The following SRD5A2 variants were observed in gnomAD, a reference collection of about 807,000 sequenced individuals.
SRD5A2 encodes the protein 3-oxo-5-alpha-steroid 4-dehydrogenase 2.
SRD5A2 carries 30 observed loss-of-function variants against 27.4 expected under a neutral mutation model. The observed-to-expected ratio is 1.10, with a 90% confidence interval of 0.82 to 1.49. The LOEUF is 1.49. Among genes scored for constraint, SRD5A2 ranks in the 40% most tolerant of loss-of-function variants. SRD5A2 has a pLI of 0.00. For missense variants in SRD5A2, 348 were observed against 323.4 expected (o/e 1.08, Z -0.58); for synonymous variants, 141 against 133.6 (o/e 1.06, Z -0.38).
chr2:31,626,713 A>T, the SRD5A2 span, among the ~76,000 whole-genome samples: 1 of 152,126 alleles, frequency 6.6e-6, no homozygotes, highest in Non-Finnish European at 1.5e-5. Flanking sequence ...AGCCAACTTG[A>T]TCGTGGTGGA....
intron 4 of SRD5A2, among the ~76,000 whole-genome samples, chr2:31,528,732 C>T (rs1665834475): frequency 1.3e-5 from 2 of 151,950 alleles, no homozygotes. Flanking sequence ...CCCCATTGCA[C>T]TTCAGCCTGG....
At chr2:31,587,741 C>T in the SRD5A2 span, among the ~76,000 whole-genome samples, 1 of 152,028 alleles carries the variant, frequency 6.6e-6, no homozygotes, top group African/African-American at 2.4e-5. Context: ...ACACCAGGAC[C>T]TGTCAAGGGG....
At chr2:31,584,092 G>A (rs1572377447), upstream of SRD5A2, among the ~76,000 whole-genome samples, 1 of 152,172 alleles carries the variant, frequency 6.6e-6, no homozygotes. Flanking sequence ...GGCCCAGGGT[G>A]TAGAGTCCTG....
At chr2:31,592,454 C>T in the SRD5A2 span, among the ~76,000 whole-genome samples, 1 of 152,204 alleles carries the variant, frequency 6.6e-6, no homozygotes, top group Non-Finnish European at 1.5e-5. Flanking sequence ...CCACTTCACT[C>T]CCCTGACACC....
chr2:31,583,630 AAAAAAAAAG>A (rs1667123134), upstream of SRD5A2, among the ~76,000 whole-genome samples: 1 of 25,910 alleles, frequency 3.9e-5, no homozygotes, highest in East Asian at 7.2e-4. Flanking sequence ...AAAAAAAAAC[AAAAAAAAAG>A]CAAAAAAAAA....
chr2:31,610,865 T>C, the SRD5A2 span, among the ~76,000 whole-genome samples: 4 of 152,094 alleles, frequency 2.6e-5, no homozygotes, highest in Non-Finnish European at 5.9e-5. Context: ...CCCAGCACTT[T>C]GGGAGGCCAA....
chr2:31,587,006 C>G, the SRD5A2 span, among the ~76,000 whole-genome samples: 2 of 152,064 alleles, frequency 1.3e-5, no homozygotes, highest in African/African-American at 4.8e-5. Context: ...ATTCAGAATT[C>G]TATCAGATAA....
At chr2:31,583,650 ACC>A (rs1392569913), upstream of SRD5A2, among the ~76,000 whole-genome samples, 1,526 of 28,338 alleles carry the variant, frequency 0.054, 173 homozygotes, top group African/African-American at 0.14. Flanking sequence ...CAAAAAAAAA[ACC>A]AAAAAAAAAG....
At chr2:31,531,142 C>T (rs540713599) in intron 3 of SRD5A2, among the ~76,000 whole-genome samples, 8 of 152,330 alleles carry the variant, frequency 5.3e-5, no homozygotes, top group South Asian at 4.1e-4. Flanking sequence ...CCGGGTATTG[C>T]GGTCTCGCAC....
At chr2:31,578,509 T>C (rs2666408) in intron 1 of SRD5A2, among the ~76,000 whole-genome samples, 1 of 152,176 alleles carries the variant, frequency 6.6e-6, no homozygotes, top group Non-Finnish European at 1.5e-5. Flanking sequence ...GTAAATTATT[T>C]ACTCAGAGTG....
chr2:31,540,192 T>C (rs1390752467), intron 1 of SRD5A2, among the ~76,000 whole-genome samples: 2 of 151,960 alleles, frequency 1.3e-5, no homozygotes, highest in African/African-American at 4.8e-5. Context: ...TTCTCTTGTA[T>C]CAAATCTAAG....
the SRD5A2 span, among the ~76,000 whole-genome samples, chr2:31,633,104 G>A: frequency 6.6e-6 from 1 of 152,086 alleles, no homozygotes; most frequent in African/African-American, 2.4e-5. Context: ...CACAAGGTGG[G>A]ACCCTCCATT....
the SRD5A2 span, among the ~76,000 whole-genome samples, chr2:31,662,196 C>G: frequency 1.3e-5 from 2 of 152,078 alleles, no homozygotes; most frequent in Non-Finnish European, 2.9e-5. Context: ...TCTTTAACAT[C>G]TAATAGTTCT....
At position 31,531,396 on chromosome 2, in the gene SRD5A2, T is replaced by C; in HGVS notation, c.522A>G (p.Gly174=). ...CTTGTGGAATCCTGTAGCTGATTTCTCCAGGCTTCCTGAGCTGGCGCAATA... is the reference window on the plus strand; with the variant it reads ...CTTGTGGAATCCTGTAGCTGATTTCCCCAGGCTTCCTGAGCTGGCGCAATA... ...DYILRQLRKP[G]EISYRIPQGG... is the part of the protein sequence containing the mutation. The change falls in exon 3 of 5, where the codon GGA becomes GGG. Residue 174 remains glycine, a synonymous_variant. Transcript: ENST00000622030. 6.3e-7 allele frequency: 1 copy of C among 1,592,268 alleles called. No homozygotes were observed. Among genetic ancestry groups the C allele is most frequent in the Non-Finnish European group, 8.6e-7 (1 of 1,168,682 alleles).
chr2:31,627,052 T>A, the SRD5A2 span, among the ~76,000 whole-genome samples: 1 of 152,214 alleles, frequency 6.6e-6, no homozygotes, highest in Admixed American at 6.5e-5. Flanking sequence ...TATTGGTCTA[T>A]TCAGGGATTC....
At chr2:31,662,167 T>C in the SRD5A2 span, among the ~76,000 whole-genome samples, 2 of 152,164 alleles carry the variant, frequency 1.3e-5, no homozygotes, top group African/African-American at 4.8e-5. Context: ...CTCTTGACCT[T>C]GGATCATATT....
the SRD5A2 span, among the ~76,000 whole-genome samples, chr2:31,609,806 G>C: frequency 6.6e-6 from 1 of 151,814 alleles, no homozygotes; most frequent in African/African-American, 2.4e-5. Context: ...CCACAAAATG[G>C]GAGAAATATT....
At chr2:31,606,894 G>A in the SRD5A2 span, among the ~76,000 whole-genome samples, 2 of 151,958 alleles carry the variant, frequency 1.3e-5, no homozygotes, top group African/African-American at 4.8e-5. Context: ...AGATCAATGT[G>A]TCAAAAGCAA....
chr2:31,609,604 T>C, the SRD5A2 span, among the ~76,000 whole-genome samples: 3 of 152,202 alleles, frequency 2.0e-5, no homozygotes, highest in South Asian at 6.2e-4. Context: ...TCACCCCACA[T>C]GCAAAAATTA....
Sources: gnomAD v4.1 joint callset for allele counts (sites outside exome capture counted in the v4.1 genomes callset) on GRCh38, gnomAD v4.1.1 for gene constraint, MANE v1.5 for transcripts, NCBI Gene and HGNC (gene_info 2026-07-23, HGNC 2026-07-21) for gene names.